Variants in CHRNA5 observed in about 807,000 individuals in gnomAD.
CHRNA5 encodes cholinergic receptor nicotinic alpha 5 subunit, also known as neuronal acetylcholine receptor subunit alpha-5.
CHRNA5 carries 28 observed loss-of-function variants against 41.2 expected under a neutral mutation model. The ratio of observed to expected loss-of-function variants is 0.68; its 90% CI spans 0.50 to 0.93. The LOEUF is 0.93. Ranked by LOEUF, CHRNA5 falls within the 40% of genes least tolerant of loss-of-function variation. The pLI, the probability that CHRNA5 is intolerant of heterozygous loss-of-function variation, is 0.00. For missense variants in CHRNA5, 481 were observed against 581.9 expected, an observed-to-expected ratio of 0.83 and a Z score of 1.78; for synonymous variants, 188 against 205.8, an observed-to-expected ratio of 0.91 and a Z score of 0.74.
rs550720972 is a variant in CHRNA5 at position 78,584,990 on chromosome 15, G to A, written c.259-1655G>A. Reference sequence around the variant, plus strand: ...GCTGGAGTGCAGTGACATGATCTTGGCTCACTACAACCTCTGCCTTCCAGA... The same window carrying A: ...GCTGGAGTGCAGTGACATGATCTTGACTCACTACAACCTCTGCCTTCCAGA... On this transcript the variant is annotated intron_variant, in intron 2 of 5. Transcript: ENST00000299565. Among the ~76,000 whole-genome samples, 17 of 152,240 alleles carry A rather than the reference G, an allele frequency of 1.1e-4. 1 individual carries two copies. In the East Asian group the frequency reaches 2.9e-3, roughly 26 times the overall value.
intron 1 of CHRNA5, among the ~76,000 whole-genome samples, chr15:78,569,378 T>C (rs2052778478): frequency 6.6e-6 from 1 of 152,164 alleles, no homozygotes; most frequent in Non-Finnish European, 1.5e-5. Context: ...CAGATGATAG[T>C]TTAAGTTCAC....
At chr15:78,594,173 A>C (rs1213377136) in exon 6 of CHRNA5, 1 of 152,230 alleles carries the variant, frequency 6.6e-6, no homozygotes, top group Non-Finnish European at 1.5e-5. Flanking sequence ...TATTGTGTTA[A>C]CTATTTCTGT....
At chr15:78,575,430 C>G (rs1051933651) in intron 1 of CHRNA5, among the ~76,000 whole-genome samples, 1 of 151,600 alleles carries the variant, frequency 6.6e-6, no homozygotes, top group African/African-American at 2.4e-5. Context: ...GCTTGGTTTC[C>G]TTTGTTTTTC....
chr15:78,594,121 G>A (rs1388114333), exon 6 of CHRNA5: 1 of 152,134 alleles, frequency 6.6e-6, no homozygotes, highest in Non-Finnish European at 1.5e-5. Context: ...AACAGGAATT[G>A]GGAACTCCTT....
At chr15:78,589,887 T>C (rs2052994883) in exon 5 of CHRNA5, 1 of 1,614,140 alleles carries the variant, frequency 6.2e-7, no homozygotes, top group African/African-American at 1.3e-5. Flanking sequence ...ACCGGCAAAC[T>C]ACAAAAGTTC....
intron 1 of CHRNA5, among the ~76,000 whole-genome samples, chr15:78,580,442 A>G (rs2052901301): frequency 6.6e-6 from 1 of 151,814 alleles, no homozygotes; most frequent in Non-Finnish European, 1.5e-5. Flanking sequence ...TTAGATTTGA[A>G]ACTATTCTGT....
intron 1 of CHRNA5, among the ~76,000 whole-genome samples, chr15:78,580,007 C>T (rs1328435193): frequency 6.6e-6 from 1 of 152,110 alleles, no homozygotes; most frequent in Non-Finnish European, 1.5e-5. Context: ...AGGCCAGGCA[C>T]AGTGGCTCAC....
Position 78,588,275 on chromosome 15 carries a change from A to G in CHRNA5, c.304-39A>G. 1 of 1,074,926 alleles carries G rather than the reference A, an allele frequency of 9.3e-7. No homozygotes were observed. 66.6% of individuals were successfully genotyped at this position (1,074,926 alleles called of 1,614,324 possible). On this transcript the variant is annotated intron_variant, in intron 3 of 5. Transcript: ENST00000299565. The surrounding 1 kb of genome is among the most constrained non-coding windows in gnomAD (Gnocchi z 4.1). ...ATGGTATTCACTGTTTTTGACTATTAGTTTTATTGAAATTGAGGCAGATTT... is the reference window on the plus strand; with the variant it reads ...ATGGTATTCACTGTTTTTGACTATTGGTTTTATTGAAATTGAGGCAGATTT...
intron 1 of CHRNA5, among the ~76,000 whole-genome samples, chr15:78,575,763 A>G (rs1330713545): frequency 6.6e-6 from 1 of 152,188 alleles, no homozygotes; most frequent in East Asian, 1.9e-4. Context: ...CTTTTTTAAT[A>G]CCTGTGTCAC....
chr15:78,592,671 A>G (rs1033657886), intron 5 of CHRNA5, among the ~76,000 whole-genome samples: 2 of 152,364 alleles, frequency 1.3e-5, no homozygotes, highest in South Asian at 4.1e-4. Context: ...GCTTTCTAAC[A>G]TGTATTATTC....
exon 5 of CHRNA5, chr15:78,590,182 T>C: frequency 6.2e-7 from 1 of 1,614,060 alleles, no homozygotes; most frequent in Non-Finnish European, 8.5e-7. Flanking sequence ...TGTATTGGGC[T>C]CTCATTTTTA....
chr15:78,579,473 C>T (rs1417245137), intron 1 of CHRNA5, among the ~76,000 whole-genome samples: 2 of 152,146 alleles, frequency 1.3e-5, no homozygotes, highest in Non-Finnish European at 2.9e-5. Context: ...AGGTTCGTCT[C>T]GAACTCCTTA....
chr15:78,583,113 T>TGAAC (rs1450325037), intron 2 of CHRNA5, among the ~76,000 whole-genome samples: 1 of 152,088 alleles, frequency 6.6e-6, no homozygotes, highest in Non-Finnish European at 1.5e-5. Flanking sequence ...CAAAGCTGGG[T>TGAAC]GAACTTTATT....
intron 2 of CHRNA5, among the ~76,000 whole-genome samples, chr15:78,584,208 G>A (rs1185082080): frequency 6.6e-6 from 1 of 152,122 alleles, no homozygotes. Flanking sequence ...TCCTTTTATC[G>A]CTAAGCTCCC....
In CHRNA5 at chr15:78,582,837, GTGGTCTGAC is replaced by G. The variant is rs1226709340; in HGVS notation, c.258+1879_258+1887del. Among the ~76,000 whole-genome samples, 15 of 152,292 alleles carry G rather than the reference GTGGTCTGAC, an allele frequency of 9.8e-5. No individual in the cohort carries two copies. In the East Asian group the frequency reaches 2.7e-3, roughly 27 times the overall value. On this transcript the variant is annotated intron_variant, in intron 2 of 5. Transcript: ENST00000299565. ...ATGTTGGGAGCCCTGGCATACAGGA[GTGGTCTGAC>G]TGGACGGTGGAGAAGGTGAGGAGAA...
chr15:78,582,921 G>T (rs1480661629), intron 2 of CHRNA5, among the ~76,000 whole-genome samples: 1 of 152,138 alleles, frequency 6.6e-6, no homozygotes, highest in Non-Finnish European at 1.5e-5. Context: ...CTTCTTGGGA[G>T]AATTTTCCTA....
At chr15:78,571,942 T>C (rs752245523) in intron 1 of CHRNA5, among the ~76,000 whole-genome samples, 1 of 152,164 alleles carries the variant, frequency 6.6e-6, no homozygotes, top group African/African-American at 2.4e-5. Context: ...TTTATCTTGC[T>C]GTTGCTTAAA....
At chr15:78,566,633 G>C (rs1438239724) in intron 1 of CHRNA5, among the ~76,000 whole-genome samples, 1 of 152,196 alleles carries the variant, frequency 6.6e-6, no homozygotes, top group Non-Finnish European at 1.5e-5. Flanking sequence ...CACTACGTCT[G>C]TATTTCAGGT....
chr15:78,572,171 A>G (rs911726439), intron 1 of CHRNA5, among the ~76,000 whole-genome samples: 2 of 152,188 alleles, frequency 1.3e-5, no homozygotes, highest in Admixed American at 6.5e-5. Flanking sequence ...TGAAGAAGAA[A>G]AGGAAGATAT....
Sources: allele counts gnomAD v4.1 joint callset (sites outside exome capture counted in the v4.1 genomes callset), GRCh38; gene constraint gnomAD v4.1.1; non-coding constraint Gnocchi (gnomAD v3.1); transcripts MANE v1.5; gene names NCBI Gene and HGNC (gene_info 2026-07-23, HGNC 2026-07-21).